Variants in GPC6 observed in about 807,000 individuals in gnomAD.
GPC6 encodes glypican 6.
In GPC6, 14 loss-of-function variants were observed where a neutral mutation model predicts 55.2. That is an observed-to-expected ratio of 0.25 (90% confidence interval 0.17 to 0.40). The LOEUF (loss-of-function observed/expected upper bound fraction) is 0.40, where lower values mean the gene tolerates loss of function less well. Ranked by LOEUF, GPC6 falls within the 10% of genes least tolerant of loss-of-function variation. The pLI is 1.00. For missense variants in GPC6, 641 were observed against 708.5 expected (o/e 0.90, Z 1.08); for synonymous variants, 278 against 259.6 (o/e 1.07, Z -0.68).
intron 6 of GPC6, among the ~76,000 whole-genome samples, chr13:94,343,748 G>A (rs1878151434): frequency 6.6e-6 from 1 of 151,276 alleles, no homozygotes; most frequent in South Asian, 2.1e-4. Context: ...CTTTTTTTTT[G>A]AGGCAGGATC....
At chr13:93,891,640 TACAC>T (rs971427694) in intron 3 of GPC6, among the ~76,000 whole-genome samples, 1 of 146,660 alleles carries the variant, frequency 6.8e-6, no homozygotes, top group Non-Finnish European at 1.5e-5. Context: ...ACCATTTATA[TACAC>T]ACACACTATG....
rs34636081 is a variant in GPC6 at position 94,150,814 on chromosome 13, G to GTATATATATATATATATATATA, written c.877+122937_877+122938insATATATATATATATATATATAT. 9.9e-3 allele frequency among the ~76,000 whole-genome samples: 989 copies of GTATATATATATATATATATATA among 100,394 alleles called. 55 individuals are homozygous for GTATATATATATATATATATATA. Among genetic ancestry groups the GTATATATATATATATATATATA allele is most frequent in the East Asian group, 0.013 (33 of 2,610 alleles). The allele number at this position is 100,394 out of a possible 152,430, so 65.9% of individuals were successfully genotyped here. On this transcript the variant is annotated intron_variant, in intron 4 of 8. Coordinates refer to ENST00000377047, the MANE Select transcript of GPC6 (RefSeq NM_005708.5). Reference sequence around the variant, plus strand: ...TGAAGCAGAAAGAGAGAGATCAGCAGTATATATATATATATATGTTTATTG... The same window carrying GTATATATATATATATATATATA: ...TGAAGCAGAAAGAGAGAGATCAGCAGTATATATATATATATATATATATATATATATATATATATGTTTATTG...
chr13:93,743,672 T>C (rs1300458201), intron 2 of GPC6, among the ~76,000 whole-genome samples: 1 of 152,146 alleles, frequency 6.6e-6, no homozygotes, highest in African/African-American at 2.4e-5. Context: ...TATTTATTGT[T>C]CCTTTCATCT....
chr13:93,418,254 C>A (rs1027327995), intron 1 of GPC6, among the ~76,000 whole-genome samples: 5 of 151,572 alleles, frequency 3.3e-5, no homozygotes, highest in African/African-American at 1.2e-4. Context: ...TAAATAACCC[C>A]TCAAGCATTT....
intron 2 of GPC6, among the ~76,000 whole-genome samples, chr13:93,553,596 GA>G (rs1875280274): frequency 1.3e-5 from 2 of 150,534 alleles, no homozygotes; most frequent in African/African-American, 4.9e-5. Context: ...TCGGGAGGCT[GA>G]GGCAGGAGAA....
In GPC6 at chr13:94,068,837, C is replaced by T. The variant is rs375655794; in HGVS notation, c.877+40943C>T. ...TCCCATGGTCTTGGGCAGCTCCACC[C>T]CTGTGGTTTTGCAGGGTACGGCCTC... On this transcript the variant is annotated intron_variant, in intron 4 of 8. Coordinates refer to ENST00000377047, the MANE Select transcript of GPC6 (RefSeq NM_005708.5). 1.4e-4 allele frequency among the ~76,000 whole-genome samples: 22 copies of T among 152,186 alleles called. 1 individual carries two copies. The highest frequency in any genetic ancestry group is 1.1e-3 in the Admixed American group (17 of 15,278).
chr13:93,688,163 T>A (rs1171001171), intron 2 of GPC6, among the ~76,000 whole-genome samples: 1 of 152,090 alleles, frequency 6.6e-6, no homozygotes, highest in Non-Finnish European at 1.5e-5. Context: ...GAGATAACTT[T>A]GTTTTGATAG....
intron 1 of GPC6, among the ~76,000 whole-genome samples, chr13:93,485,296 G>A (rs1315544844): frequency 2.0e-5 from 3 of 152,188 alleles, no homozygotes; most frequent in Non-Finnish European, 1.5e-5. Context: ...GGCATCATAA[G>A]ATTTTGTTCT....
intron 4 of GPC6, among the ~76,000 whole-genome samples, chr13:94,060,016 C>G (rs996126977): frequency 3.9e-5 from 6 of 152,096 alleles, no homozygotes; most frequent in Non-Finnish European, 8.8e-5. Flanking sequence ...CTCTGACCAC[C>G]TCTTCTCAAA....
chr13:93,861,550 C>T (rs1888814820), intron 3 of GPC6, among the ~76,000 whole-genome samples: 1 of 151,614 alleles, frequency 6.6e-6, no homozygotes, highest in Non-Finnish European at 1.5e-5. Flanking sequence ...TAATTCTCTC[C>T]CAACAAAATG....
intron 1 of GPC6, among the ~76,000 whole-genome samples, chr13:93,486,723 G>T (rs1216843393): frequency 2.0e-5 from 3 of 152,082 alleles, no homozygotes; most frequent in African/African-American, 7.2e-5. Flanking sequence ...AAGGCAGGTG[G>T]ATCACGAGGT....
At chr13:93,980,195 G>A (rs1005568749) in intron 3 of GPC6, among the ~76,000 whole-genome samples, 16 of 152,018 alleles carry the variant, frequency 1.1e-4, no homozygotes, top group African/African-American at 3.4e-4. Context: ...TTTTTAATGG[G>A]TTGTCACATG....
At chr13:93,735,402 G>A (rs147204539) in intron 2 of GPC6, among the ~76,000 whole-genome samples, 46 of 152,014 alleles carry the variant, frequency 3.0e-4, no homozygotes, top group Non-Finnish European at 5.4e-4. Flanking sequence ...GCATGGTGGC[G>A]GGTGCCTGTA....
intron 4 of GPC6, among the ~76,000 whole-genome samples, chr13:94,186,060 CAAAAA>C (rs3043529): frequency 3.4e-5 from 3 of 87,222 alleles, no homozygotes; most frequent in Non-Finnish European, 4.6e-5. Flanking sequence ...ACTCCGTCTC[CAAAAA>C]AAAAAAAAAA....
At chr13:94,335,363 C>T (rs1355164420) in intron 6 of GPC6, among the ~76,000 whole-genome samples, 2 of 152,216 alleles carry the variant, frequency 1.3e-5, no homozygotes, top group Admixed American at 6.5e-5. Context: ...GATCTTTTTC[C>T]AGGAGTCTCC....
rs1277856227 is a variant in GPC6, at chr13:93,490,664, C to G, written c.161-54599C>G. 3.8e-5 allele frequency among the ~76,000 whole-genome samples: 3 copies of G among 79,616 alleles called. No individual in the cohort carries two copies. In the Admixed American group the frequency reaches 5.1e-4, roughly 13 times the overall value. The allele number at this position is 79,616 out of a possible 152,430, so 52.2% of individuals were successfully genotyped here. On this transcript the variant is annotated intron_variant, in intron 1 of 8. Coordinates refer to ENST00000377047, the MANE Select transcript of GPC6 (RefSeq NM_005708.5). ...AGGTATATCTCCCAGTGCTATCCCT[C>G]CCCCCTCCCCCCACCCCACCACAGT...
At chr13:94,085,590 C>A (rs553380484) in intron 4 of GPC6, among the ~76,000 whole-genome samples, 2 of 151,956 alleles carry the variant, frequency 1.3e-5, no homozygotes, top group Non-Finnish European at 2.9e-5. Context: ...ATTTTTATGA[C>A]CTTATTTTTT....
At position 94,385,175 on chromosome 13, in the gene GPC6, G is replaced by A. The variant is rs143454646; in HGVS notation, c.1289+2625G>A. ...GAATCGCTTGAACCCAGGAAAAGGA[G>A]GTTGCAGTGAGCCAAGATCATACCA... On this transcript the variant is annotated intron_variant, in intron 7 of 8. Transcript: ENST00000377047. Among the ~76,000 whole-genome samples, 660 of 152,066 alleles carry A rather than the reference G, an allele frequency of 4.3e-3. 2 individuals are homozygous for A. The highest frequency in any genetic ancestry group is 0.015 in the African/African-American group (630 of 41,424).
intron 3 of GPC6, among the ~76,000 whole-genome samples, chr13:93,922,812 T>C (rs1877645154): frequency 6.6e-6 from 1 of 152,240 alleles, no homozygotes; most frequent in South Asian, 2.1e-4. Flanking sequence ...TCCTTTAGGC[T>C]AAGCCTCTAA....
Sources: gnomAD v4.1 joint callset for allele counts (sites outside exome capture counted in the v4.1 genomes callset) on GRCh38, gnomAD v4.1.1 for gene constraint, MANE v1.5 for transcripts, NCBI Gene and HGNC (gene_info 2026-07-23, HGNC 2026-07-21) for gene names.